The following SEC22C variants were observed in gnomAD, a reference collection of about 807,000 sequenced individuals.
SEC22C encodes the protein vesicle-trafficking protein SEC22c.
In SEC22C, 29 loss-of-function variants were observed where a neutral mutation model predicts 34.7. That is an observed-to-expected ratio of 0.84 (90% CI 0.62 to 1.14). The LOEUF is 1.14. SEC22C is among the 50% of genes most tolerant of loss of function. SEC22C has a pLI of 0.00. For synonymous variants in SEC22C, 117 were observed against 132.8 expected, an observed-to-expected ratio of 0.88 and a Z score of 0.82; for missense variants, 337 against 369.0, an observed-to-expected ratio of 0.91 and a Z score of 0.71.
chr3:42,600,997 C>T (rs1705360900), exon 1 of SEC22C: 3 of 1,562,366 alleles, frequency 1.9e-6, no homozygotes, highest in Non-Finnish European at 1.7e-6. Flanking sequence ...TTGCCGCCAC[C>T]TCGGTCGCGA....
chr3:42,600,722 A>C, intron 1 of SEC22C: 4 of 287,692 alleles, frequency 1.4e-5, no homozygotes, highest in Admixed American at 5.4e-5. Context: ...GTTTGGCTGC[A>C]GTGGCAGTGC....
upstream of SEC22C, among the ~76,000 whole-genome samples, chr3:42,586,108 C>A (rs1214616510): frequency 6.6e-6 from 1 of 152,226 alleles, no homozygotes; most frequent in Admixed American, 6.5e-5. Context: ...TATATGTGAA[C>A]ACTCCATTGC....
chr3:42,551,680 A>G lies in SEC22C; in HGVS notation c.*1568T>C. ...TGTTTGGTCAAAAATAGAAAATTCTATTATAAAAAATAAAGTTACTATGGC... is the reference window on the plus strand; with the variant it reads ...TGTTTGGTCAAAAATAGAAAATTCTGTTATAAAAAATAAAGTTACTATGGC... On this transcript the variant is annotated 3_prime_UTR_variant, in exon 7 of 7. Coordinates refer to ENST00000264454, the MANE Select transcript of SEC22C (RefSeq NM_032970.4). The G allele has an allele frequency of 1.0e-6, 1 of 962,794 alleles. No homozygotes were observed. Among genetic ancestry groups the G allele is most frequent in the Non-Finnish European group, 1.2e-6 (1 of 809,346 alleles). 59.6% of individuals were successfully genotyped at this position (962,794 alleles called of 1,614,324 possible).
chr3:42,567,777 A>G (rs1483318550), intron 2 of SEC22C, among the ~76,000 whole-genome samples: 1 of 152,192 alleles, frequency 6.6e-6, no homozygotes, highest in Non-Finnish European at 1.5e-5. Context: ...CACATAATAA[A>G]AATTTAAAAA....
chr3:42,556,062 C>T, intron 5 of SEC22C, 67 bp from the exon 6 acceptor site: 1 of 1,238,800 alleles, frequency 8.1e-7, no homozygotes, highest in South Asian at 1.3e-5. Flanking sequence ...TGACATAAAG[C>T]ACTTTACTCT....
chr3:42,600,610 G>C (rs1705278809), intron 1 of SEC22C: 1 of 157,922 alleles, frequency 6.3e-6, no homozygotes, highest in Non-Finnish European at 1.4e-5. Context: ...CCCCCATCTA[G>C]ACTGTACTCT....
At chr3:42,588,674 T>A (rs548221643) in intron 1 of SEC22C, among the ~76,000 whole-genome samples, 2 of 152,322 alleles carry the variant, frequency 1.3e-5, no homozygotes, top group Admixed American at 6.5e-5. Flanking sequence ...TTCATGCCCA[T>A]AATCCCAGGG....
At chr3:42,585,917 C>G (rs563822345), upstream of SEC22C, among the ~76,000 whole-genome samples, 2 of 152,072 alleles carry the variant, frequency 1.3e-5, no homozygotes, top group Non-Finnish European at 2.9e-5. Context: ...ATCCTGCATG[C>G]TCCCCAGATC....
intron 1 of SEC22C, among the ~76,000 whole-genome samples, chr3:42,578,995 C>T (rs779963154): frequency 4.3e-4 from 66 of 152,222 alleles, no homozygotes; most frequent in Middle Eastern, 3.4e-3. Flanking sequence ...AACAGGAAAG[C>T]GGCTGGGTGC....
intron 1 of SEC22C, among the ~76,000 whole-genome samples, chr3:42,599,893 T>A (rs1296584029): frequency 6.6e-6 from 1 of 152,208 alleles, no homozygotes; most frequent in Non-Finnish European, 1.5e-5. Flanking sequence ...AGAGATTTCC[T>A]AGCACAGGAA....
chr3:42,552,787 T>G lies in SEC22C; in HGVS notation c.*461A>C. 1.0e-6 allele frequency: 1 copy of G among 984,844 alleles called. No individual in the cohort carries two copies. Among genetic ancestry groups the G allele is most frequent in the Non-Finnish European group, 1.2e-6 (1 of 829,310 alleles). 61.0% of individuals were successfully genotyped at this position (984,844 alleles called of 1,614,324 possible). A position where few individuals can be genotyped will look rare whatever the true frequency, so the allele number is the denominator to read the frequency against. ...TGAACCATATTTTTAGGTTTTTAATTCATCCTGTACTGACCCTCTGAAAAA... is the reference window on the plus strand; with the variant it reads ...TGAACCATATTTTTAGGTTTTTAATGCATCCTGTACTGACCCTCTGAAAAA... On this transcript the variant is annotated 3_prime_UTR_variant, in exon 7 of 7. Transcript: ENST00000264454.
chr3:42,569,564 T>C (rs959623920), intron 1 of SEC22C, among the ~76,000 whole-genome samples: 10 of 152,146 alleles, frequency 6.6e-5, no homozygotes, highest in East Asian at 1.9e-4. Context: ...TGCAAGGAGA[T>C]AGAAGAAGGT....
intron 1 of SEC22C, among the ~76,000 whole-genome samples, chr3:42,572,306 G>A (rs935067359): frequency 6.6e-5 from 10 of 151,700 alleles, no homozygotes; most frequent in Admixed American, 6.6e-5. Context: ...AAAACTTGCA[G>A]GTAAAAAACT....
chr3:42,569,144 T>C, intron 1 of SEC22C, 71 bp from the exon 2 acceptor site: 2 of 960,230 alleles, frequency 2.1e-6, no homozygotes, highest in Non-Finnish European at 3.2e-6. Flanking sequence ...ACCTGTGAAA[T>C]GCCCACTCTA....
At chr3:42,584,225 C>T (rs1704535425), upstream of SEC22C, among the ~76,000 whole-genome samples, 1 of 152,148 alleles carries the variant, frequency 6.6e-6, no homozygotes, top group Admixed American at 6.5e-5. Context: ...GGTGCATATA[C>T]AGGTTGCAGG....
intron 1 of SEC22C, among the ~76,000 whole-genome samples, chr3:42,590,284 G>A (rs1192119675): frequency 6.6e-6 from 1 of 152,194 alleles, no homozygotes; most frequent in Non-Finnish European, 1.5e-5. Flanking sequence ...GAGTGATGTA[G>A]AGAGGACAAT....
chr3:42,587,084 A>C (rs1459716185), intron 1 of SEC22C, among the ~76,000 whole-genome samples: 1 of 152,024 alleles, frequency 6.6e-6, no homozygotes, highest in Non-Finnish European at 1.5e-5. Flanking sequence ...CATTGCTCCC[A>C]CTATCTCTGG....
chr3:42,594,632 A>T, intron 1 of SEC22C: 1 of 745,918 alleles, frequency 1.3e-6, no homozygotes, highest in Middle Eastern at 4.1e-4. Context: ...CATGAATGAA[A>T]CCTCTGTGGC....
At chr3:42,569,206 A>G in intron 1 of SEC22C, 133 bp from the exon 2 acceptor site, 1 of 638,986 alleles carries the variant, frequency 1.6e-6, no homozygotes. Flanking sequence ...TTTTATTGTT[A>G]TTTCCCTGGC....
Sources: gnomAD v4.1 joint callset for allele counts (sites outside exome capture counted in the v4.1 genomes callset) on GRCh38, gnomAD v4.1.1 for gene constraint, MANE v1.5 for transcripts, NCBI Gene and HGNC (gene_info 2026-07-23, HGNC 2026-07-21) for gene names.